NUFIP1: variants seen among roughly 807,000 people sequenced by gnomAD.
NUFIP1 encodes the protein FMR1-interacting protein NUFIP1.
Under a neutral mutation model 56.2 loss-of-function variants are expected in NUFIP1, and 38 were observed. That is an observed-to-expected ratio of 0.68 (90% CI 0.52 to 0.89). The LOEUF (loss-of-function observed/expected upper bound fraction) is 0.89, where lower values mean the gene tolerates loss of function less well. Ranked by LOEUF, NUFIP1 falls within the 40% of genes least tolerant of loss-of-function variation. NUFIP1 has a pLI of 0.00. For missense variants in NUFIP1, 567 were observed against 605.8 expected, an observed-to-expected ratio of 0.94 and a Z score of 0.67; for synonymous variants, 215 against 212.4, an observed-to-expected ratio of 1.01 and a Z score of -0.10.
At chr13:44,951,221 C>T (rs1464009944) in intron 7 of NUFIP1, among the ~76,000 whole-genome samples, 1 of 152,202 alleles carries the variant, frequency 6.6e-6, no homozygotes, top group Non-Finnish European at 1.5e-5. Flanking sequence ...AGTATGGAGA[C>T]TTCCCATTCA....
chr13:44,950,988 T>C (rs1871069447), intron 7 of NUFIP1, among the ~76,000 whole-genome samples: 1 of 152,320 alleles, frequency 6.6e-6, no homozygotes, highest in Middle Eastern at 3.4e-3. Flanking sequence ...AACCAAAGCA[T>C]GCCAGTAGGA....
intron 6 of NUFIP1, 117 bp from the exon 7 acceptor site, chr13:44,959,691 A>G: frequency 1.3e-6 from 1 of 752,318 alleles, no homozygotes; most frequent in Non-Finnish European, 2.2e-6. Context: ...CTTGTAGCCT[A>G]GTACATTAAA....
At chr13:44,955,604 T>C (rs1487100907) in intron 7 of NUFIP1, among the ~76,000 whole-genome samples, 4 of 152,236 alleles carry the variant, frequency 2.6e-5, no homozygotes, top group African/African-American at 9.6e-5. Context: ...ATCACAGTGC[T>C]GGCCGCTGGC....
intron 1 of NUFIP1, among the ~76,000 whole-genome samples, chr13:44,987,001 T>C (rs1200097877): frequency 6.6e-6 from 1 of 152,152 alleles, no homozygotes; most frequent in Non-Finnish European, 1.5e-5. Context: ...ATTTTTTTTG[T>C]AGAGACGGGG....
At chr13:44,954,253 TCAAA>T (rs1249874481) in intron 7 of NUFIP1, among the ~76,000 whole-genome samples, 2 of 152,172 alleles carry the variant, frequency 1.3e-5, no homozygotes, top group South Asian at 2.1e-4. Context: ...AAATACGAGC[TCAAA>T]CAATTTCTTT....
chr13:44,947,350 T>C (rs1436480718), intron 8 of NUFIP1, among the ~76,000 whole-genome samples: 2 of 151,266 alleles, frequency 1.3e-5, no homozygotes, highest in African/African-American at 4.9e-5. Context: ...GCAATTCTCC[T>C]GTCTCAGCCT....
At chr13:44,987,379 A>G (rs1354188242) in intron 1 of NUFIP1, among the ~76,000 whole-genome samples, 2 of 152,058 alleles carry the variant, frequency 1.3e-5, no homozygotes, top group Non-Finnish European at 2.9e-5. Context: ...GTCTCAACAA[A>G]TTAAAAAAAA....
At chr13:44,959,840 T>C (rs1030544085) in intron 6 of NUFIP1, among the ~76,000 whole-genome samples, 1 of 152,168 alleles carries the variant, frequency 6.6e-6, no homozygotes. Flanking sequence ...GTTATCCCTC[T>C]GAAATTGGGC....
intron 5 of NUFIP1, among the ~76,000 whole-genome samples, chr13:44,971,093 C>T (rs1257467182): frequency 4.6e-5 from 7 of 151,960 alleles, no homozygotes; most frequent in Admixed American, 3.9e-4. Flanking sequence ...AATATACATA[C>T]AGAAAAAATA....
chr13:44,984,011 G>A (rs1207881647), intron 1 of NUFIP1, among the ~76,000 whole-genome samples: 2 of 152,116 alleles, frequency 1.3e-5, no homozygotes, highest in East Asian at 3.9e-4. Context: ...GACTAAGACA[G>A]CTTCCTAGAG....
chr13:44,987,335 G>C (rs1286792424), intron 1 of NUFIP1, among the ~76,000 whole-genome samples: 14 of 151,902 alleles, frequency 9.2e-5, no homozygotes. Flanking sequence ...CCAAGATCAC[G>C]CCATTGCACT....
intron 1 of NUFIP1, among the ~76,000 whole-genome samples, chr13:44,983,428 C>T (rs1273610966): frequency 2.6e-5 from 4 of 151,894 alleles, no homozygotes; most frequent in South Asian, 2.1e-4. Flanking sequence ...CCACCTGCCT[C>T]GGCCTCCCAA....
intron 8 of NUFIP1, among the ~76,000 whole-genome samples, chr13:44,946,375 T>G (rs1870902087): frequency 6.6e-6 from 1 of 152,170 alleles, no homozygotes; most frequent in Admixed American, 6.5e-5. Context: ...TAGTCTTTAA[T>G]TTGGAAATCT....
At chr13:44,950,256 C>T (rs892151307) in intron 7 of NUFIP1, among the ~76,000 whole-genome samples, 1 of 152,178 alleles carries the variant, frequency 6.6e-6, no homozygotes, top group Admixed American at 6.5e-5. Context: ...AATACCTATG[C>T]TTTTAACTGT....
intron 1 of NUFIP1, among the ~76,000 whole-genome samples, chr13:44,985,685 T>A (rs965825173): frequency 4.6e-5 from 7 of 152,214 alleles, no homozygotes; most frequent in Non-Finnish European, 8.8e-5. Context: ...TATAAGATGG[T>A]GAACTTTATA....
At chr13:44,964,290 C>T (rs1871521083) in intron 6 of NUFIP1, among the ~76,000 whole-genome samples, 1 of 152,086 alleles carries the variant, frequency 6.6e-6, no homozygotes, top group East Asian at 1.9e-4. Flanking sequence ...CCATTAAGAA[C>T]TTCTGTTTCT....
At chr13:44,976,516 A>G (rs1871987713) in intron 5 of NUFIP1, among the ~76,000 whole-genome samples, 1 of 152,150 alleles carries the variant, frequency 6.6e-6, no homozygotes, top group Non-Finnish European at 1.5e-5. Flanking sequence ...ACCAATAGAT[A>G]GAAAAGAAAC....
chr13:44,939,308 G>A lies in NUFIP1; in HGVS notation c.*1898C>T, dbSNP rs1870652925. On this transcript the variant is annotated 3_prime_UTR_variant, in exon 10 of 10. Coordinates refer to ENST00000379161, the MANE Select transcript of NUFIP1 (RefSeq NM_012345.3). Reference sequence around the variant, plus strand: ...TAAATGTATTAAATTTCCCAGAGCTGGTTTGATTAAGGAAAATAGAAGTCA... The same window carrying A: ...TAAATGTATTAAATTTCCCAGAGCTAGTTTGATTAAGGAAAATAGAAGTCA... 1 of 152,056 alleles carries A rather than the reference G, an allele frequency of 6.6e-6. No individual in the cohort carries two copies. The highest frequency in any genetic ancestry group is 1.9e-4 in the East Asian group (1 of 5,204). 9.4% of individuals were successfully genotyped at this position (152,056 alleles called of 1,614,324 possible). A position where few individuals can be genotyped will look rare whatever the true frequency, so the allele number is the denominator to read the frequency against.
At chr13:44,969,890 C>T (rs1871744407) in intron 5 of NUFIP1, among the ~76,000 whole-genome samples, 1 of 152,166 alleles carries the variant, frequency 6.6e-6, no homozygotes, top group South Asian at 2.1e-4. Flanking sequence ...CTCATTAAAC[C>T]ACAACTGCTT....
Sources: gnomAD v4.1 joint callset for allele counts (sites outside exome capture counted in the v4.1 genomes callset) on GRCh38, gnomAD v4.1.1 for gene constraint, MANE v1.5 for transcripts, NCBI Gene and HGNC (gene_info 2026-07-23, HGNC 2026-07-21) for gene names.